Variants in SSBP3 observed in about 807,000 individuals in gnomAD.
The protein encoded by SSBP3 is single-stranded DNA-binding protein 3.
A neutral mutation model predicts 69.6 loss-of-function variants in SSBP3; 5 were observed. The ratio of observed to expected loss-of-function variants is 0.07; its 90% CI spans 0.04 to 0.15. The LOEUF (loss-of-function observed/expected upper bound fraction) is 0.15, where lower values mean the gene tolerates loss of function less well. Ranked by LOEUF, SSBP3 falls within the 10% of genes least tolerant of loss-of-function variation. SSBP3 has a pLI of 1.00. For synonymous variants in SSBP3, 196 were observed against 193.4 expected (o/e 1.01, Z -0.11); for missense variants, 312 against 534.0 (o/e 0.58, Z 4.10).
intron 7 of SSBP3, among the ~76,000 whole-genome samples, chr1:54,252,412 G>C (rs888038346): frequency 6.6e-6 from 1 of 152,240 alleles, no homozygotes; most frequent in Non-Finnish European, 1.5e-5. Flanking sequence ...TGGGGAAACT[G>C]AGGTCACAGG....
intron 4 of SSBP3, among the ~76,000 whole-genome samples, chr1:54,310,380 A>G (rs925934546): frequency 1.3e-5 from 2 of 152,080 alleles, no homozygotes; most frequent in Admixed American, 1.3e-4. Context: ...AAAGGCATTG[A>G]GAGCATGGTT....
intron 5 of SSBP3, among the ~76,000 whole-genome samples, chr1:54,277,440 T>A (rs899942984): frequency 5.3e-5 from 8 of 152,176 alleles, no homozygotes; most frequent in Admixed American, 2.0e-4. Context: ...CAGATGTGCA[T>A]CCACATTTGG....
At chr1:54,281,075 T>C (rs1645383016) in intron 5 of SSBP3, among the ~76,000 whole-genome samples, 1 of 152,020 alleles carries the variant, frequency 6.6e-6, no homozygotes, top group Admixed American at 6.5e-5. Context: ...CAAAGAACAA[T>C]TTACTGATTT....
intron 6 of SSBP3, 178 bp from the exon 7 acceptor site, chr1:54,257,364 T>A (rs537552475): frequency 1.8e-6 from 1 of 549,710 alleles, no homozygotes; most frequent in African/African-American, 2.0e-5. Context: ...GAACAATAGA[T>A]CCACACAACA....
In SSBP3 at chr1:54,263,005, T is replaced by C. The variant is rs564316458; in HGVS notation, c.367-4856A>G. Among the ~76,000 whole-genome samples, 4 of 152,320 alleles carry C rather than the reference T, an allele frequency of 2.6e-5. No homozygotes were observed. The South Asian group carries it at 8.3e-4, about 32-fold the overall frequency. ...GGAGACAACTAACTCCCGCAGTTTC[T>C]TGTTATTCTTTCTCCTGTAATTTCA... On this transcript the variant is annotated intron_variant, in intron 5 of 17. Coordinates refer to ENST00000610401, the Ensembl canonical transcript of SSBP3.
intron 4 of SSBP3, among the ~76,000 whole-genome samples, chr1:54,323,716 G>C (rs904640933): frequency 6.6e-6 from 1 of 152,202 alleles, no homozygotes; most frequent in Non-Finnish European, 1.5e-5. Context: ...CACCTATCTG[G>C]AGGTGGAAAG....
At chr1:54,392,996 CAGA>C (rs1216220392) in intron 4 of SSBP3, among the ~76,000 whole-genome samples, 1 of 152,124 alleles carries the variant, frequency 6.6e-6, no homozygotes, top group Non-Finnish European at 1.5e-5. Context: ...ATTGGCTCTA[CAGA>C]AGAATAATTG....
chr1:54,394,125 C>T (rs144225811), intron 4 of SSBP3, among the ~76,000 whole-genome samples: 276 of 152,274 alleles, frequency 1.8e-3, no homozygotes, highest in Non-Finnish European at 2.4e-3. Context: ...CTTAAGGTGT[C>T]CATGTTTGCA....
chr1:54,278,105 G>A (rs567016255), intron 5 of SSBP3, among the ~76,000 whole-genome samples: 22 of 152,294 alleles, frequency 1.4e-4, no homozygotes, highest in Non-Finnish European at 2.4e-4. Context: ...CAAGTATGCG[G>A]CCAAGTCCTC....
At position 54,251,533 on chromosome 1, in the gene SSBP3, G is replaced by T. The variant is rs942550547; in HGVS notation, c.651+83C>A. ...CCCCTGCGAACTGAGAGATGTGGGA[G>T]ACTGACAGAGCATGGAAACAGGAGA... On this transcript the variant is annotated intron_variant, in intron 9 of 17. Coordinates refer to ENST00000610401, the Ensembl canonical transcript of SSBP3. The T allele has an allele frequency of 9.6e-5, 134 of 1,392,844 alleles. No individual in the cohort carries two copies. In the African/African-American group the frequency reaches 1.8e-3, roughly 19 times the overall value. 86.3% of individuals were successfully genotyped at this position (1,392,844 alleles called of 1,614,324 possible). A position where few individuals can be genotyped will look rare whatever the true frequency, so the allele number is the denominator to read the frequency against.
intron 7 of SSBP3, among the ~76,000 whole-genome samples, chr1:54,252,129 T>A (rs997434561): frequency 1.3e-5 from 2 of 152,182 alleles, no homozygotes; most frequent in Non-Finnish European, 2.9e-5. Context: ...GTAGGGGGTC[T>A]GTGTACCTAT....
intron 13 of SSBP3, among the ~76,000 whole-genome samples, chr1:54,240,547 G>A (rs1474289519): frequency 6.6e-6 from 1 of 151,466 alleles, no homozygotes; most frequent in Non-Finnish European, 1.5e-5. Context: ...AACTCCAAAG[G>A]TAGCATGCCT....
chr1:54,381,310 G>A (rs1473686862), intron 4 of SSBP3, among the ~76,000 whole-genome samples: 2 of 147,826 alleles, frequency 1.4e-5, no homozygotes, highest in African/African-American at 5.0e-5. Context: ...TTAAACTCGG[G>A]AGGCAGAGGT....
intron 11 of SSBP3, 122 bp from the exon 12 acceptor site, chr1:54,241,631 C>A: frequency 9.7e-7 from 1 of 1,035,270 alleles, no homozygotes; most frequent in Non-Finnish European, 1.5e-6. Context: ...GAGCTGGCCA[C>A]CCACTTGGTT....
At chr1:54,316,266 T>G (rs1042795927) in intron 4 of SSBP3, among the ~76,000 whole-genome samples, 4 of 151,364 alleles carry the variant, frequency 2.6e-5, no homozygotes, top group Non-Finnish European at 5.9e-5. Flanking sequence ...TGGTATGAAC[T>G]CGGGAAGTGG....
chr1:54,324,695 T>C (rs1646270377), intron 4 of SSBP3, among the ~76,000 whole-genome samples: 1 of 152,176 alleles, frequency 6.6e-6, no homozygotes, highest in African/African-American at 2.4e-5. Context: ...AGGAGTAGAT[T>C]AATGGCAGGG....
chr1:54,244,263 C>A (rs539812422), intron 9 of SSBP3, among the ~76,000 whole-genome samples: 2 of 152,162 alleles, frequency 1.3e-5, no homozygotes, highest in Non-Finnish European at 2.9e-5. Context: ...ACGACCATGT[C>A]GGGCTGATAT....
At chr1:54,253,330 T>C (rs948081319) in intron 7 of SSBP3, among the ~76,000 whole-genome samples, 1 of 151,676 alleles carries the variant, frequency 6.6e-6, no homozygotes, top group Non-Finnish European at 1.5e-5. Context: ...GAGCTGGGAC[T>C]ACAGGCACGC....
intron 2 of SSBP3, 41 bp downstream of exon 2, chr1:54,404,817 G>GGGC: frequency 9.3e-7 from 1 of 1,074,310 alleles, no homozygotes; most frequent in South Asian, 1.3e-5. Flanking sequence ...GTGGGGGGGG[G>GGGC]GGGTGTCAAG....
Sources: gnomAD v4.1 joint callset for allele counts (sites outside exome capture counted in the v4.1 genomes callset) on GRCh38, gnomAD v4.1.1 for gene constraint, MANE v1.5 for transcripts, NCBI Gene and HGNC (gene_info 2026-07-23, HGNC 2026-07-21) for gene names.